DUSP16: variants seen among roughly 807,000 people sequenced by gnomAD.
The protein encoded by DUSP16 is dual specificity protein phosphatase 16.
In DUSP16, 21 loss-of-function variants were observed where a neutral mutation model predicts 58.3. The observed-to-expected ratio is 0.36, with a 90% CI of 0.26 to 0.52. The LOEUF (loss-of-function observed/expected upper bound fraction) is 0.52. Among genes scored for constraint, DUSP16 ranks in the 20% least tolerant of loss-of-function variants. The pLI is 0.94. For missense variants in DUSP16, 726 were observed against 819.0 expected (o/e 0.89, Z 1.39); for synonymous variants, 320 against 323.8 (o/e 0.99, Z 0.12).
intron 3 of DUSP16, among the ~76,000 whole-genome samples, chr12:12,516,643 A>G (rs772977449): frequency 1.5e-4 from 23 of 152,206 alleles, no homozygotes; most frequent in Non-Finnish European, 3.1e-4. Flanking sequence ...TTCATATTAG[A>G]TATTTTCCCA....
intron 1 of DUSP16, among the ~76,000 whole-genome samples, chr12:12,538,586 G>A (rs544032748): frequency 1.3e-3 from 201 of 152,242 alleles, no homozygotes; most frequent in Non-Finnish European, 2.2e-3. Context: ...AACACAGAAC[G>A]CAAAATATTT....
intron 2 of DUSP16, among the ~76,000 whole-genome samples, chr12:12,520,509 A>G (rs1341511199): frequency 3.3e-5 from 5 of 152,216 alleles, no homozygotes; most frequent in East Asian, 3.8e-4. Flanking sequence ...TATGACACAT[A>G]AAAAGCACCC....
At chr12:12,483,649 A>AG (rs368001697) in intron 5 of DUSP16, among the ~76,000 whole-genome samples, 11,569 of 152,148 alleles carry the variant, frequency 0.076, 490 homozygotes, top group Middle Eastern at 0.099. Context: ...GGAGAGCTGG[A>AG]GGAAGAGCCC....
chr12:12,549,737 A>G (rs1401625536), intron 1 of DUSP16, among the ~76,000 whole-genome samples: 1 of 151,920 alleles, frequency 6.6e-6, no homozygotes, highest in Non-Finnish European at 1.5e-5. Context: ...AAGTATGAAC[A>G]GATATGTGTG....
chr12:12,527,471 A>C (rs917073788), intron 1 of DUSP16, among the ~76,000 whole-genome samples: 1 of 152,102 alleles, frequency 6.6e-6, no homozygotes, highest in Non-Finnish European at 1.5e-5. Context: ...AATAAAAACA[A>C]ACACAAAAAA....
chr12:12,477,895 C>T lies in DUSP16; in HGVS notation c.936G>A (p.Lys312=), dbSNP rs767086271. The change falls in exon 7 of 7, where the codon AAG becomes AAA. Residue 312 remains lysine, a synonymous_variant. Transcript: ENST00000298573. This position sits in a 1 kb window ranked among gnomAD's most constrained non-coding sequence, Gnocchi z 4.1. ...TGASGPKSKL[K]LLHLEKPNEP... is the part of the protein sequence containing the mutation. ...CATTTGGCTTCTCCAGGTGCAGCAG[C>T]TTGAGTTTGCTCTTTGGCCCTGATG... 3.7e-5 allele frequency: 59 copies of T among 1,614,068 alleles called. 3 individuals are homozygous for T. In the South Asian group the frequency reaches 6.4e-4, roughly 17 times the overall value.
chr12:12,494,706 G>C (rs12424448), intron 4 of DUSP16, among the ~76,000 whole-genome samples: 46,066 of 151,998 alleles, frequency 0.3, 7,584 homozygotes, highest in Non-Finnish European at 0.35. Flanking sequence ...AGGTGAGTGT[G>C]TCCAGACATT....
At chr12:12,511,523 C>T (rs1032836857) in intron 3 of DUSP16, among the ~76,000 whole-genome samples, 1 of 152,068 alleles carries the variant, frequency 6.6e-6, no homozygotes, top group African/African-American at 2.4e-5. Flanking sequence ...CCTCAGAATG[C>T]GCAGAACCCT....
At chr12:12,524,972 C>G (rs953336547) in intron 1 of DUSP16, among the ~76,000 whole-genome samples, 7 of 152,126 alleles carry the variant, frequency 4.6e-5, no homozygotes, top group Admixed American at 4.6e-4. Context: ...TACCATTATC[C>G]TCCATCTGCC....
chr12:12,516,549 G>A (rs2136228528), intron 3 of DUSP16, among the ~76,000 whole-genome samples: 1 of 152,298 alleles, frequency 6.6e-6, no homozygotes, highest in African/African-American at 2.4e-5. Context: ...AAGGACCACA[G>A]AAAATTAGCA....
At chr12:12,509,497 C>A (rs1398835489) in intron 3 of DUSP16, among the ~76,000 whole-genome samples, 15 of 149,366 alleles carry the variant, frequency 1.0e-4, no homozygotes, top group African/African-American at 1.5e-4. Context: ...AAAAAAAAAA[C>A]AAACTTCCTT....
intron 1 of DUSP16, among the ~76,000 whole-genome samples, chr12:12,541,713 CTG>C (rs1424630872): frequency 3.3e-5 from 5 of 152,108 alleles, no homozygotes; most frequent in African/African-American, 4.8e-5. Context: ...AGAGAAATAA[CTG>C]TGAAAAAAAT....
intron 1 of DUSP16, among the ~76,000 whole-genome samples, chr12:12,539,927 T>C (rs1944526535): frequency 6.6e-6 from 1 of 151,882 alleles, no homozygotes; most frequent in South Asian, 2.1e-4. Flanking sequence ...GGTAGCATAG[T>C]CCCAGCTACT....
intron 4 of DUSP16, among the ~76,000 whole-genome samples, chr12:12,488,519 C>A (rs1188251822): frequency 6.6e-6 from 1 of 152,184 alleles, no homozygotes; most frequent in Non-Finnish European, 1.5e-5. Flanking sequence ...CACCATTTAG[C>A]AGGCAAGCCC....
chr12:12,561,186 G>C (rs758008010), intron 1 of DUSP16: 1 of 152,082 alleles, frequency 6.6e-6, no homozygotes, highest in Non-Finnish European at 1.5e-5. Flanking sequence ...CAAACCCCAC[G>C]GCAAATGAGA....
rs760445555 is a variant in DUSP16 at position 12,478,043 on chromosome 12, C to T, written c.816-28G>A. 2.5e-5 allele frequency: 37 copies of T among 1,499,174 alleles called. No homozygotes were observed. In the Admixed American group the frequency reaches 3.9e-4, roughly 16 times the overall value. The allele number at this position is 1,499,174 out of a possible 1,614,324, so 92.9% of individuals were successfully genotyped here. A position where few individuals can be genotyped will look rare whatever the true frequency, so the allele number is the denominator to read the frequency against. On this transcript the variant is annotated intron_variant, in intron 6 of 6. Transcript: ENST00000298573. ...GCAGAGAGAGGAAAAAACAAAAACC[C>T]GAATTTTACAACTACACTTTATCTT...
chr12:12,507,338 T>G (rs1944011520), intron 3 of DUSP16, among the ~76,000 whole-genome samples: 1 of 152,156 alleles, frequency 6.6e-6, no homozygotes. Context: ...GCCTTTCCAC[T>G]CATGCCTTCA....
At chr12:12,503,772 A>G (rs2136216033) in intron 3 of DUSP16, among the ~76,000 whole-genome samples, 1 of 152,332 alleles carries the variant, frequency 6.6e-6, no homozygotes, top group East Asian at 1.9e-4. Flanking sequence ...GGTTCTAAAA[A>G]GTATTTTCAA....
chr12:12,512,334 G>C (rs181959455), intron 3 of DUSP16, among the ~76,000 whole-genome samples: 2 of 152,196 alleles, frequency 1.3e-5, no homozygotes, highest in East Asian at 1.9e-4. Context: ...TTTTGTTGTG[G>C]TGAGAACACT....
Sources: gnomAD v4.1 joint callset for allele counts (sites outside exome capture counted in the v4.1 genomes callset) on GRCh38, gnomAD v4.1.1 for gene constraint, Gnocchi (gnomAD v3.1) non-coding constraint, MANE v1.5 for transcripts, NCBI Gene and HGNC (gene_info 2026-07-23, HGNC 2026-07-21) for gene names.